Variants in DEPDC4 observed in about 807,000 individuals in gnomAD.
The protein encoded by DEPDC4 is DEP domain containing 4, also known as DEP domain-containing protein 4.
A neutral mutation model predicts 52.0 loss-of-function variants in DEPDC4; 52 were observed. The ratio of observed to expected loss-of-function variants is 1.00; its 90% CI spans 0.80 to 1.26. The LOEUF (loss-of-function observed/expected upper bound fraction) is 1.26. DEPDC4 is among the 50% of genes most tolerant of loss of function. The probability of loss-of-function intolerance (pLI) is 0.00; values close to 1 mark genes in which losing one functional copy is unlikely to be tolerated. For missense variants in DEPDC4, 530 were observed against 546.9 expected (o/e 0.97, Z 0.31); for synonymous variants, 201 against 196.8 (o/e 1.02, Z -0.18).
At chr12:100,267,281 A>G (rs2096278706), upstream of DEPDC4, 1 of 564,098 alleles carries the variant, frequency 1.8e-6, no homozygotes, top group East Asian at 3.1e-5. Flanking sequence ...GAGGATATGG[A>G]GTAAAGCCAG....
chr12:100,274,328 TTAAA>T, the DEPDC4 span, among the ~76,000 whole-genome samples: 3 of 152,232 alleles, frequency 2.0e-5, no homozygotes, highest in African/African-American at 7.2e-5. Context: ...TGTCAAGAGT[TTAAA>T]TAGTTGCAAA....
intron 2 of DEPDC4, among the ~76,000 whole-genome samples, chr12:100,262,706 A>G (rs955327711): frequency 7.2e-5 from 11 of 152,306 alleles, no homozygotes; most frequent in African/African-American, 2.4e-4. Flanking sequence ...CTTTTAGTAC[A>G]CTGGCTAAGT....
rs147121343 is a variant in DEPDC4, at chr12:100,266,836, T to C, written c.157+84A>G. 177 of 1,501,296 alleles carry C rather than the reference T, an allele frequency of 1.2e-4. 2 individuals are homozygous for C. In the African/African-American group the frequency reaches 1.9e-3, roughly 16 times the overall value. The allele number at this position is 1,501,296 out of a possible 1,614,324, so 93.0% of individuals were successfully genotyped here. A position where few individuals can be genotyped will look rare whatever the true frequency, so the allele number is the denominator to read the frequency against. On this transcript the variant is annotated intron_variant, in intron 1 of 9. Transcript: ENST00000550587. The stretch of plus-strand genomic sequence containing the variant: ...GGAAATGGGCGGGGCCCTGGACCAA[T>C]GAGGAGCAGAGTCCCAGCCGCCTGC...
chr12:100,246,117 G>A (rs1049115017), intron 8 of DEPDC4, among the ~76,000 whole-genome samples: 30 of 138,818 alleles, frequency 2.2e-4, no homozygotes, highest in Admixed American at 4.9e-4. Flanking sequence ...ATGCCACTAC[G>A]CCTGGGTTTT....
At chr12:100,267,919 A>C (rs2096281087), upstream of DEPDC4, 1 of 152,106 alleles carries the variant, frequency 6.6e-6, no homozygotes, top group East Asian at 1.9e-4. Flanking sequence ...ATTGTGTGTG[A>C]GGTGGGTGGG....
At chr12:100,263,927 C>A in intron 1 of DEPDC4, 34 bp from the exon 2 acceptor site, 5 of 1,555,918 alleles carry the variant, frequency 3.2e-6, no homozygotes, top group South Asian at 2.4e-5. Flanking sequence ...TCTAACAAAT[C>A]TAGATTATAC....
At chr12:100,271,139 A>C (rs1438363536), upstream of DEPDC4, among the ~76,000 whole-genome samples, 1 of 151,630 alleles carries the variant, frequency 6.6e-6, no homozygotes, top group Non-Finnish European at 1.5e-5. Flanking sequence ...GTTTTTGAAA[A>C]CTTTCTTTTA....
At position 100,267,056 on chromosome 12, in the gene DEPDC4, T is replaced by G. The variant is rs748244817; in HGVS notation, c.21A>C (p.Pro7=). 6.2e-6 allele frequency: 10 copies of G among 1,612,854 alleles called. No individual in the cohort carries two copies. The highest frequency in any genetic ancestry group is 7.6e-6 in the Non-Finnish European group (9 of 1,179,282). Reference sequence around the variant, plus strand: ...AAAGAACCGCCATAAGCTCGCGCGCTGGCTCCTCCCCTGGCACCATAGCCC... The same window carrying G: ...AAAGAACCGCCATAAGCTCGCGCGCGGGCTCCTCCCCTGGCACCATAGCCC... MVPGEE[P]ARELMAVLLT... is the part of the protein sequence containing the mutation. Residue 7 remains proline, a synonymous_variant, in exon 1 of 10, where the codon CCA becomes CCC. Coordinates refer to ENST00000550587, the MANE Select transcript of DEPDC4 (RefSeq NM_001364818.2).
intron 3 of DEPDC4, among the ~76,000 whole-genome samples, chr12:100,258,444 A>C (rs1307271794): frequency 6.6e-6 from 1 of 152,208 alleles, no homozygotes; most frequent in African/African-American, 2.4e-5. Flanking sequence ...ATGAAATAAA[A>C]AAAACTTCTA....
intron 1 of DEPDC4, among the ~76,000 whole-genome samples, chr12:100,264,114 T>C (rs1424037929): frequency 1.3e-5 from 2 of 152,370 alleles, no homozygotes; most frequent in East Asian, 3.9e-4. Flanking sequence ...GCTTTACTGA[T>C]GTGAAATACA....
chr12:100,251,927 T>C (rs985275500), intron 7 of DEPDC4, among the ~76,000 whole-genome samples: 3 of 152,092 alleles, frequency 2.0e-5, no homozygotes, highest in Non-Finnish European at 2.9e-5. Context: ...CTCAAACTCC[T>C]AGGCTCTAGT....
Position 100,263,602 on chromosome 12 carries a change from A to T in DEPDC4, c.449T>A (p.Phe150Tyr), listed in dbSNP as rs747009571. The T allele has an allele frequency of 3.1e-6, 5 of 1,614,094 alleles. No individual in the cohort carries two copies. The highest frequency in any genetic ancestry group is 4.2e-6 in the Non-Finnish European group (5 of 1,179,992). ...GTAGAGACTAATGTTGGAATCTTCA[A>T]ATTCTAATTCCTTTTCTTTTTTGAA... ...KLFKKEKELE[F>Y]EDSNISLYRF... The change falls in exon 2 of 10, where the codon TTT (phenylalanine) becomes TAT (tyrosine). Residue 150 changes from phenylalanine to tyrosine, a missense_variant. Physicochemically the swap from Phe to Tyr is conservative, Grantham distance 22 (BLOSUM62 3). Transcript: ENST00000550587.
At chr12:100,271,796 G>A (rs1396417433), upstream of DEPDC4, among the ~76,000 whole-genome samples, 4 of 152,074 alleles carry the variant, frequency 2.6e-5, no homozygotes, top group Non-Finnish European at 5.9e-5. Context: ...GGGAAGCTGG[G>A]GAAAAAAGTA....
chr12:100,243,646 T>G (rs1348988055), intron 8 of DEPDC4, among the ~76,000 whole-genome samples: 2 of 152,074 alleles, frequency 1.3e-5, no homozygotes, highest in Non-Finnish European at 2.9e-5. Context: ...GCATCTCTTT[T>G]TTTTCAATAC....
chr12:100,261,137 C>T (rs1388072332), intron 3 of DEPDC4, among the ~76,000 whole-genome samples: 1 of 134,608 alleles, frequency 7.4e-6, no homozygotes, highest in African/African-American at 2.9e-5. Flanking sequence ...GCCAAGATCA[C>T]AACAGTGCAC....
At chr12:100,247,580 A>C (rs1352393544) in intron 8 of DEPDC4, among the ~76,000 whole-genome samples, 2 of 152,234 alleles carry the variant, frequency 1.3e-5, no homozygotes, top group Non-Finnish European at 2.9e-5. Context: ...GTCAAAAATA[A>C]TGAAAAGTTG....
Position 100,256,152 on chromosome 12 carries a change from G to T in DEPDC4, c.775C>A (p.Pro259Thr). Residue 259 changes from proline (P) to threonine (T), a missense_variant, in exon 4 of 10, where the codon CCT becomes ACT. By Grantham distance (38) the Pro-to-Thr change is conservative. Coordinates refer to ENST00000550587, the MANE Select transcript of DEPDC4 (RefSeq NM_001364818.2). ...TGAAGATTTTGTGTTTTAACTGGAG[G>T]CTCCAAAATATTGTCCAAGAATGGA... is the stretch of plus-strand genomic sequence containing the variant. ...HLPFLDNILEPPVKTQNLQLN... is the reference protein window; with the variant it reads ...HLPFLDNILETPVKTQNLQLN... 2 of 1,612,680 alleles carry T rather than the reference G, an allele frequency of 1.2e-6. No homozygotes were observed. Among genetic ancestry groups the T allele is most frequent in the Non-Finnish European group, 1.7e-6 (2 of 1,178,954 alleles).
chr12:100,256,616 G>A (rs1468601719), intron 3 of DEPDC4, among the ~76,000 whole-genome samples: 2 of 149,144 alleles, frequency 1.3e-5, no homozygotes, highest in African/African-American at 4.9e-5. Context: ...GTAGTTCATT[G>A]TTTTTTGTTT....
chr12:100,238,578 T>G (rs931407399), downstream of DEPDC4, among the ~76,000 whole-genome samples: 15 of 146,644 alleles, frequency 1.0e-4, no homozygotes, highest in African/African-American at 3.3e-4. Context: ...CCTCTGCTCC[T>G]GGGCTCAAGT....
Sources: gnomAD v4.1 joint callset for allele counts (sites outside exome capture counted in the v4.1 genomes callset) on GRCh38, gnomAD v4.1.1 for gene constraint, MANE v1.5 for transcripts, NCBI Gene and HGNC (gene_info 2026-07-23, HGNC 2026-07-21) for gene names.